The following ZNF480 variants were observed in gnomAD, a reference collection of about 807,000 sequenced individuals.
ZNF480 encodes zinc finger protein 480.
In ZNF480, 15 loss-of-function variants were observed where a neutral mutation model predicts 14.4. That is an observed-to-expected ratio of 1.04 (90% confidence interval 0.70 to 1.60). The LOEUF is 1.60. Ranked by LOEUF, ZNF480 falls within the 40% of genes most tolerant of loss-of-function variation. ZNF480 has a pLI of 0.00. For missense variants in ZNF480, 593 were observed against 629.7 expected, an observed-to-expected ratio of 0.94 and a Z score of 0.62; for synonymous variants, 218 against 215.5, an observed-to-expected ratio of 1.01 and a Z score of -0.10.
intron 4 of ZNF480, chr19:52,317,608 T>C (rs1002422999): frequency 2.0e-5 from 3 of 152,230 alleles, no homozygotes; most frequent in Non-Finnish European, 4.4e-5. Context: ...TCACCTCAGG[T>C]GATCTGCCTG....
At chr19:52,320,751 A>G (rs950030295) in intron 4 of ZNF480, among the ~76,000 whole-genome samples, 1 of 152,152 alleles carries the variant, frequency 6.6e-6, no homozygotes, top group Non-Finnish European at 1.5e-5. Context: ...AGATTGCATC[A>G]TTGTACTCCA....
In ZNF480 at chr19:52,306,857, C is replaced by T. The variant is rs184944682; in HGVS notation, c.72+6373C>T. Among the ~76,000 whole-genome samples, 367 of 152,230 alleles carry T rather than the reference C, an allele frequency of 2.4e-3. 2 individuals are homozygous for T. The highest frequency in any genetic ancestry group is 8.6e-3 in the African/African-American group (356 of 41,546). ...TTGCTTGAGGCGCTGCTCGAACAGT[C>T]ACTAGGGCAACTACTTTTTGTCCAG... On this transcript the variant is annotated intron_variant, in intron 2 of 4. Coordinates refer to ENST00000595962, the MANE Select transcript of ZNF480 (RefSeq NM_144684.4).
At chr19:52,310,305 C>T (rs1054448229) in intron 2 of ZNF480, among the ~76,000 whole-genome samples, 5 of 152,118 alleles carry the variant, frequency 3.3e-5, no homozygotes, top group African/African-American at 7.2e-5. Flanking sequence ...GATCCGCCTG[C>T]GTTGGCCTCC....
In ZNF480 at chr19:52,325,441, A is replaced by G. The variant is rs1304393570; in HGVS notation, c.*2583A>G. On this transcript the variant is annotated 3_prime_UTR_variant, in exon 5 of 5. Coordinates refer to ENST00000595962, the MANE Select transcript of ZNF480 (RefSeq NM_144684.4). The stretch of plus-strand genomic sequence containing the variant: ...CTGGGTGTATACCTAAAGGAATATA[A>G]TCATTCCACCATAAAGACAAACACT... The G allele has an allele frequency of 2.0e-5, 3 of 152,232 alleles. No homozygotes were observed. The highest frequency in any genetic ancestry group is 7.2e-5 in the African/African-American group (3 of 41,454). 9.4% of individuals were successfully genotyped at this position (152,232 alleles called of 1,614,324 possible).
chr19:52,317,003 T>A (rs1449345633), intron 4 of ZNF480, among the ~76,000 whole-genome samples: 1 of 152,178 alleles, frequency 6.6e-6, no homozygotes, highest in Non-Finnish European at 1.5e-5. Flanking sequence ...ATAATGCTGC[T>A]ATGAACATGG....
In ZNF480 at chr19:52,300,631, G is replaced by T; in HGVS notation, c.72+147G>T. 4 of 1,413,322 alleles carry T rather than the reference G, an allele frequency of 2.8e-6. No homozygotes were observed. In the African/African-American group the frequency reaches 5.7e-5, roughly 20 times the overall value. The allele number at this position is 1,413,322 out of a possible 1,614,324, so 87.5% of individuals were successfully genotyped here. A position where few individuals can be genotyped will look rare whatever the true frequency, so the allele number is the denominator to read the frequency against. On this transcript the variant is annotated intron_variant, in intron 2 of 4. Transcript: ENST00000595962. ...ATGCCTTCCCTCAGTGCCGAGACCA[G>T]CTTGGTCGTGGGGACCCTAACCTAG...
chr19:52,321,449 G>A (rs984075570), intron 4 of ZNF480, 130 bp from the exon 5 acceptor site: 12 of 750,348 alleles, frequency 1.6e-5, no homozygotes, highest in African/African-American at 3.5e-5. Flanking sequence ...CACAACCAGC[G>A]TGATGTACAA....
intron 2 of ZNF480, chr19:52,313,745 T>A (rs574757507): frequency 2.4e-6 from 1 of 418,230 alleles, no homozygotes; most frequent in African/African-American, 2.0e-5. Context: ...ATCCCAGCAC[T>A]TAGGGAGGCT....
chr19:52,307,796 C>T (rs994182831), intron 2 of ZNF480, among the ~76,000 whole-genome samples: 1 of 152,224 alleles, frequency 6.6e-6, no homozygotes, highest in African/African-American at 2.4e-5. Flanking sequence ...TGTTAAGGCA[C>T]AGGCTACTCA....
chr19:52,317,999 T>C (rs894036422), intron 4 of ZNF480, among the ~76,000 whole-genome samples: 1 of 152,136 alleles, frequency 6.6e-6, no homozygotes, highest in Non-Finnish European at 1.5e-5. Flanking sequence ...TCTTATATGG[T>C]CGTATATCAC....
intron 2 of ZNF480, chr19:52,301,764 A>C (rs1235405127): frequency 1.3e-5 from 2 of 152,238 alleles, no homozygotes; most frequent in Non-Finnish European, 2.9e-5. Flanking sequence ...TGAAACACCG[A>C]GAGTACCTCA....
chr19:52,319,937 C>G (rs1983736966), intron 4 of ZNF480, among the ~76,000 whole-genome samples: 1 of 151,662 alleles, frequency 6.6e-6, no homozygotes, highest in Admixed American at 6.6e-5. Context: ...CCTGCCACAG[C>G]CTCCTGAGTA....
At chr19:52,316,030 C>T in intron 4 of ZNF480, 68 bp downstream of exon 4, 2 of 1,450,032 alleles carry the variant, frequency 1.4e-6, no homozygotes, top group Middle Eastern at 2.0e-4. Flanking sequence ...TTTGTTTTGT[C>T]TAGTTTTGGT....
At chr19:52,311,688 T>G (rs1056210015) in intron 2 of ZNF480, among the ~76,000 whole-genome samples, 1 of 152,036 alleles carries the variant, frequency 6.6e-6, no homozygotes, top group Admixed American at 6.6e-5. Context: ...AACCTTTAGT[T>G]CCAGATACTT....
intron 1 of ZNF480, among the ~76,000 whole-genome samples, chr19:52,299,271 T>C (rs1053348055): frequency 2.6e-5 from 4 of 152,344 alleles, no homozygotes; most frequent in African/African-American, 7.2e-5. Context: ...CAACACAGAA[T>C]GCTTCATATC....
chr19:52,320,819 A>AC (rs1487409159), intron 4 of ZNF480, among the ~76,000 whole-genome samples: 1 of 151,472 alleles, frequency 6.6e-6, no homozygotes, highest in Admixed American at 6.6e-5. Context: ...ATAACAAAAA[A>AC]CCCCAAAACT....
chr19:52,298,660 G>A (rs1380552800), intron 1 of ZNF480, among the ~76,000 whole-genome samples: 2 of 151,318 alleles, frequency 1.3e-5, no homozygotes, highest in Non-Finnish European at 2.9e-5. Flanking sequence ...GAGACAAATA[G>A]GTGGAGAATG....
At chr19:52,310,089 T>C (rs770341656) in intron 2 of ZNF480, among the ~76,000 whole-genome samples, 5 of 152,130 alleles carry the variant, frequency 3.3e-5, no homozygotes, top group African/African-American at 4.8e-5. Flanking sequence ...AGAGTCTTGC[T>C]CTGTCACCCA....
rs36105783 is a variant in ZNF480, at chr19:52,312,827, C to CT, written c.73-1315dup. ...TTGTTATCATCCCAGTTTTATAATTCTTTTTTTTTTTGAGACAGAGTCTCA... is the reference window on the plus strand; with the variant it reads ...TTGTTATCATCCCAGTTTTATAATTCTTTTTTTTTTTTGAGACAGAGTCTCA... On this transcript the variant is annotated intron_variant, in intron 2 of 4. Transcript: ENST00000595962. Among the ~76,000 whole-genome samples the CT allele has an allele frequency of 8.2e-4, 123 of 149,678 alleles. 1 individual carries two copies. Among genetic ancestry groups the CT allele is most frequent in the East Asian group, 7.9e-3 (40 of 5,068 alleles).
Sources: allele counts gnomAD v4.1 joint callset (sites outside exome capture counted in the v4.1 genomes callset), GRCh38; gene constraint gnomAD v4.1.1; transcripts MANE v1.5; gene names NCBI Gene and HGNC (gene_info 2026-07-23, HGNC 2026-07-21).